Variants in CUX1 observed in about 807,000 individuals in gnomAD.
CUX1 encodes the protein cut like homeobox 1.
CUX1 carries 31 observed loss-of-function variants against 158.8 expected under a neutral mutation model. That is an observed-to-expected ratio of 0.20 (90% CI 0.15 to 0.26). The LOEUF (loss-of-function observed/expected upper bound fraction) is 0.26. CUX1 is among the 10% of genes least tolerant of loss of function. The pLI is 1.00. For synonymous variants in CUX1, 879 were observed against 862.1 expected (o/e 1.02, Z -0.34); for missense variants, 1,589 against 2,014.6 (o/e 0.79, Z 4.04).
At chr7:101,919,021 C>T (rs961891948) in intron 2 of CUX1, among the ~76,000 whole-genome samples, 3 of 152,186 alleles carry the variant, frequency 2.0e-5, no homozygotes, top group Non-Finnish European at 1.5e-5. Flanking sequence ...TCAGGTGATC[C>T]GCCCACCTCG....
chr7:102,020,163 G>GTATA (rs1554454757), intron 2 of CUX1, among the ~76,000 whole-genome samples: 1 of 152,208 alleles, frequency 6.6e-6, no homozygotes, highest in Non-Finnish European at 1.5e-5. Context: ...GTCTGCTGTT[G>GTATA]TATAGAAAGA....
chr7:102,104,313 G>GTTTTTTTT (rs371174192), intron 5 of CUX1, 23 bp from the exon 6 acceptor site: 4 of 1,389,462 alleles, frequency 2.9e-6, no homozygotes, highest in Non-Finnish European at 3.9e-6. Context: ...CTTACTGTAG[G>GTTTTTTTT]TTTTTTTTTT....
chr7:102,042,642 G>A (rs1316397392), intron 3 of CUX1, among the ~76,000 whole-genome samples: 1 of 152,036 alleles, frequency 6.6e-6, no homozygotes, highest in East Asian at 1.9e-4. Context: ...ATCCTTTAGG[G>A]CTGAACCGAA....
chr7:102,181,366 G>A (rs1016205333), intron 11 of CUX1, among the ~76,000 whole-genome samples: 4 of 152,032 alleles, frequency 2.6e-5, no homozygotes, highest in East Asian at 1.9e-4. Flanking sequence ...CCCCAGCAAC[G>A]GCATTATGAT....
At chr7:101,826,757 C>G (rs1447120204) in intron 1 of CUX1, among the ~76,000 whole-genome samples, 1 of 152,012 alleles carries the variant, frequency 6.6e-6, no homozygotes, top group African/African-American at 2.4e-5. Context: ...GGCTTTCCAG[C>G]AGAACAGTCG....
intron 8 of CUX1, among the ~76,000 whole-genome samples, chr7:102,151,089 C>T (rs1216450221): frequency 6.6e-6 from 1 of 152,244 alleles, no homozygotes; most frequent in African/African-American, 2.4e-5. Context: ...TTGACACTCA[C>T]ACCATGAAAC....
intron 8 of CUX1, among the ~76,000 whole-genome samples, chr7:102,151,376 A>T (rs1344024088): frequency 1.3e-5 from 2 of 151,940 alleles, no homozygotes; most frequent in Non-Finnish European, 2.9e-5. Context: ...AACACGATAA[A>T]ACCCCGTCTC....
chr7:102,173,153 A>C (rs1554510883), intron 10 of CUX1, among the ~76,000 whole-genome samples: 2 of 152,130 alleles, frequency 1.3e-5, no homozygotes, highest in African/African-American at 4.8e-5. Flanking sequence ...TGAGATCAGG[A>C]GTTTGAGACC....
At chr7:101,939,892 C>G (rs1226445047) in intron 2 of CUX1, among the ~76,000 whole-genome samples, 1 of 152,050 alleles carries the variant, frequency 6.6e-6, no homozygotes, top group African/African-American at 2.4e-5. Context: ...ACCAGCCTGA[C>G]CGACATGGTG....
intron 4 of CUX1, among the ~76,000 whole-genome samples, chr7:102,080,123 C>T (rs1288021194): frequency 2.6e-5 from 4 of 152,218 alleles, no homozygotes; most frequent in South Asian, 2.1e-4. Context: ...CAGGTTTTGC[C>T]GGCTGCCGTC....
At chr7:102,017,972 T>A (rs1818852651) in intron 2 of CUX1, among the ~76,000 whole-genome samples, 1 of 152,174 alleles carries the variant, frequency 6.6e-6, no homozygotes, top group Admixed American at 6.5e-5. Context: ...TTTGTTTATT[T>A]TTGAGATGAA....
At chr7:102,279,247 A>C (rs1484014132) in intron 18 of CUX1, among the ~76,000 whole-genome samples, 2 of 152,190 alleles carry the variant, frequency 1.3e-5, no homozygotes, top group African/African-American at 4.8e-5. Flanking sequence ...CGGCTAAGGC[A>C]GGAGAATCGC....
intron 1 of CUX1, among the ~76,000 whole-genome samples, chr7:101,863,875 A>G (rs145222291): frequency 2.0e-5 from 3 of 152,210 alleles, no homozygotes; most frequent in East Asian, 3.9e-4. Context: ...TTGTGTCAGA[A>G]TTTCCTTTCT....
At chr7:102,270,000 C>T (rs970332038) in intron 14 of CUX1, among the ~76,000 whole-genome samples, 3 of 152,242 alleles carry the variant, frequency 2.0e-5, no homozygotes, top group African/African-American at 7.2e-5. Flanking sequence ...CACAGGGGGC[C>T]AGGCCCGGGC....
chr7:102,075,068 G>A (rs181851376), intron 4 of CUX1, among the ~76,000 whole-genome samples: 75 of 152,018 alleles, frequency 4.9e-4, no homozygotes, highest in Admixed American at 1.7e-3. Flanking sequence ...CATGTTGGCC[G>A]GGCTGGTCTC....
chr7:102,159,596 C>T (rs551597299), intron 9 of CUX1, among the ~76,000 whole-genome samples: 1 of 152,374 alleles, frequency 6.6e-6, no homozygotes, highest in East Asian at 1.9e-4. Flanking sequence ...CACAGTGGCT[C>T]ACGCCTGTAA....
chr7:101,991,807 C>T (rs190671967), intron 2 of CUX1, among the ~76,000 whole-genome samples: 1 of 151,654 alleles, frequency 6.6e-6, no homozygotes, highest in African/African-American at 2.4e-5. Context: ...CATGCACACA[C>T]CTATAGTCCC....
chr7:101,890,566 C>T (rs1165970871), intron 1 of CUX1, among the ~76,000 whole-genome samples: 1 of 152,018 alleles, frequency 6.6e-6, no homozygotes, highest in African/African-American at 2.4e-5. Context: ...GATACACGCG[C>T]CTTACATTTT....
intron 18 of CUX1, among the ~76,000 whole-genome samples, chr7:102,202,966 TTTTA>T (rs1795600338): frequency 6.6e-6 from 1 of 152,142 alleles, no homozygotes; most frequent in South Asian, 2.1e-4. Flanking sequence ...CCTAGTATCA[TTTTA>T]TTTATTTATT....
Sources: gnomAD v4.1 joint callset for allele counts (sites outside exome capture counted in the v4.1 genomes callset) on GRCh38, gnomAD v4.1.1 for gene constraint, MANE v1.5 for transcripts, NCBI Gene and HGNC (gene_info 2026-07-23, HGNC 2026-07-21) for gene names.